GULP1: variants seen among roughly 807,000 people sequenced by gnomAD.
GULP1 encodes the protein PTB domain-containing engulfment adapter protein 1.
GULP1 carries 19 observed loss-of-function variants against 40.9 expected under a neutral mutation model. The observed-to-expected ratio is 0.46, with a 90% CI of 0.32 to 0.68. The LOEUF is 0.68. Ranked by LOEUF, GULP1 falls within the 30% of genes least tolerant of loss-of-function variation. The pLI, the probability that GULP1 is intolerant of heterozygous loss-of-function variation, is 0.03. For synonymous variants in GULP1, 119 were observed against 117.6 expected, an observed-to-expected ratio of 1.01 and a Z score of -0.08; for missense variants, 312 against 362.2, an observed-to-expected ratio of 0.86 and a Z score of 1.12.
At chr2:188,353,182 T>G (rs535210249) in intron 1 of GULP1, among the ~76,000 whole-genome samples, 36 of 152,222 alleles carry the variant, frequency 2.4e-4, no homozygotes, top group African/African-American at 8.4e-4. Flanking sequence ...GGAAAAGACT[T>G]GGTAGGGATA....
At chr2:188,402,803 T>C (rs969080536) in intron 2 of GULP1, among the ~76,000 whole-genome samples, 2 of 152,046 alleles carry the variant, frequency 1.3e-5, no homozygotes, top group Non-Finnish European at 2.9e-5. Context: ...ACAGTAATAA[T>C]AATAATAATA....
intron 1 of GULP1, among the ~76,000 whole-genome samples, chr2:188,306,207 G>T (rs2037062808): frequency 6.6e-6 from 1 of 151,992 alleles, no homozygotes; most frequent in Non-Finnish European, 1.5e-5. Flanking sequence ...TTTCACTTAA[G>T]TATTTGATAA....
chr2:188,387,943 A>T (rs1295354837), intron 2 of GULP1, among the ~76,000 whole-genome samples: 1 of 152,006 alleles, frequency 6.6e-6, no homozygotes, highest in Non-Finnish European at 1.5e-5. Flanking sequence ...GGTTAGTTAC[A>T]TATGTATACA....
chr2:188,555,779 G>T (rs776049896), intron 7 of GULP1, among the ~76,000 whole-genome samples: 1 of 152,122 alleles, frequency 6.6e-6, no homozygotes, highest in African/African-American at 2.4e-5. Context: ...TTTTCATCTA[G>T]GCTGGGTGTG....
intron 1 of GULP1, among the ~76,000 whole-genome samples, chr2:188,334,127 T>C (rs2041968150): frequency 6.6e-6 from 1 of 152,200 alleles, no homozygotes; most frequent in Non-Finnish European, 1.5e-5. Flanking sequence ...AAGATAACTT[T>C]GGAAGAGTGT....
At chr2:188,483,292 G>A (rs1575531959) in intron 3 of GULP1, 139 bp from the exon 4 acceptor site, 2 of 433,956 alleles carry the variant, frequency 4.6e-6, no homozygotes, top group East Asian at 7.1e-5. Flanking sequence ...TCTTCTATCT[G>A]AGTGGTTATT....
chr2:188,530,221 G>A lies in GULP1; in HGVS notation c.261+1026G>A, dbSNP rs148409771. ...GACAACCCTAGGTGAATGGCCTCAT[G>A]CTTATTTAATTTAGCACTCCAACCA... On this transcript the variant is annotated intron_variant, in intron 6 of 11. Coordinates refer to ENST00000409830, the MANE Select transcript of GULP1 (RefSeq NM_016315.4). Among the ~76,000 whole-genome samples the A allele has an allele frequency of 6.1e-3, 935 of 152,298 alleles. 3 individuals carry two copies. The highest frequency in any genetic ancestry group is 9.7e-3 in the Non-Finnish European group (660 of 68,016).
intron 2 of GULP1, among the ~76,000 whole-genome samples, chr2:188,474,228 A>G (rs1157763163): frequency 6.6e-6 from 1 of 152,064 alleles, no homozygotes; most frequent in Non-Finnish European, 1.5e-5. Flanking sequence ...TTTGGAGCTT[A>G]ATTGCCTCAG....
At position 188,425,577 on chromosome 2, in the gene GULP1, G is replaced by A. The variant is rs376576160; in HGVS notation, c.-45+41688G>A. ...CTAATTCAGAATCAGGACTGCAGCA[G>A]TTTTACATAACCGTTTATCTTACAT... On this transcript the variant is annotated intron_variant, in intron 2 of 11. Transcript: ENST00000409830. Among the ~76,000 whole-genome samples the A allele has an allele frequency of 4.6e-5, 7 of 152,180 alleles. No individual in the cohort carries two copies. In the South Asian group the frequency reaches 1.5e-3, roughly 32 times the overall value.
At chr2:188,547,533 G>GATGTAGT (rs1692292659) in intron 7 of GULP1, among the ~76,000 whole-genome samples, 2 of 151,982 alleles carry the variant, frequency 1.3e-5, no homozygotes, top group African/African-American at 2.4e-5. Context: ...AAAGATGTAG[G>GATGTAGT]CTGGGAGGTT....
chr2:188,513,190 A>T (rs1057428829), intron 4 of GULP1, among the ~76,000 whole-genome samples: 1 of 152,284 alleles, frequency 6.6e-6, no homozygotes, highest in East Asian at 1.9e-4. Flanking sequence ...GACATTTACT[A>T]GTTTGTAAAA....
At chr2:188,467,090 G>C (rs1385044306) in intron 2 of GULP1, among the ~76,000 whole-genome samples, 1 of 152,012 alleles carries the variant, frequency 6.6e-6, no homozygotes, top group Non-Finnish European at 1.5e-5. Context: ...AGACTGACAA[G>C]GGTCTGGGGA....
intron 4 of GULP1, among the ~76,000 whole-genome samples, chr2:188,499,925 G>C (rs2063274448): frequency 6.6e-6 from 1 of 151,668 alleles, no homozygotes; most frequent in Admixed American, 6.6e-5. Flanking sequence ...TTAATCCACA[G>C]AATGCTGCTA....
intron 2 of GULP1, among the ~76,000 whole-genome samples, chr2:188,403,483 G>A (rs1027373917): frequency 6.6e-6 from 1 of 152,046 alleles, no homozygotes; most frequent in African/African-American, 2.4e-5. Context: ...ATAAATCTAT[G>A]ATAAACGAAG....
intron 1 of GULP1, among the ~76,000 whole-genome samples, chr2:188,367,438 G>A (rs530452449): frequency 5.3e-5 from 8 of 152,242 alleles, no homozygotes; most frequent in South Asian, 2.1e-4. Context: ...AGGAGTCCCC[G>A]ATGGAGCAAT....
At chr2:188,304,750 CTG>C (rs1310355843) in intron 1 of GULP1, among the ~76,000 whole-genome samples, 2 of 152,176 alleles carry the variant, frequency 1.3e-5, no homozygotes, top group Non-Finnish European at 2.9e-5. Context: ...CTTGTACCTC[CTG>C]TGTGATAAGA....
chr2:188,353,122 A>G lies in GULP1; in HGVS notation c.-171-30641A>G, dbSNP rs2044735714. ...TGGCAAAGTAACACATTCTTTGAGT[A>G]TTTACCATCTGGCAAATGCTTTATG... On this transcript the variant is annotated intron_variant, in intron 1 of 11. Coordinates refer to ENST00000409830, the MANE Select transcript of GULP1 (RefSeq NM_016315.4). Among the ~76,000 whole-genome samples the G allele has an allele frequency of 3.9e-5, 6 of 152,292 alleles. 1 individual carries two copies. In the South Asian group the frequency reaches 1.2e-3, roughly 32 times the overall value.
Position 188,541,264 on chromosome 2 carries a change from CA to C in GULP1, c.348del (p.Asp117IlefsTer23). ...ACAAGAGGATATTCACTTTCATATG[CA>C]AAGATTCTGAGTCAAATAAACATTT... is the stretch of plus-strand genomic sequence containing the variant. Reference protein sequence around the residue: ...TDKRIFTFICKDSESNKHLCY... With the variant: ...TDKRIFTFICXDSESNKHLCY... On this transcript the variant is annotated frameshift_variant, in exon 7 of 12. Transcript: ENST00000409830. LOFTEE classifies it high-confidence loss of function. 6.2e-7 allele frequency: 1 copy of C among 1,610,988 alleles called. No individual in the cohort carries two copies. The highest frequency in any genetic ancestry group is 8.5e-7 in the Non-Finnish European group (1 of 1,177,248).
chr2:188,400,331 A>T (rs567323978), intron 2 of GULP1, among the ~76,000 whole-genome samples: 1 of 152,300 alleles, frequency 6.6e-6, no homozygotes, highest in Non-Finnish European at 1.5e-5. Flanking sequence ...TAAGATTCTG[A>T]ACTGATTGCA....
Sources: allele counts gnomAD v4.1 joint callset (sites outside exome capture counted in the v4.1 genomes callset), GRCh38; gene constraint gnomAD v4.1.1; transcripts MANE v1.5; gene names NCBI Gene and HGNC (gene_info 2026-07-23, HGNC 2026-07-21).